The following PCM1 variants were observed in gnomAD, a reference collection of about 807,000 sequenced individuals.
The protein encoded by PCM1 is pericentriolar material 1 protein.
In PCM1, 157 loss-of-function variants were observed where a neutral mutation model predicts 241.9. That is an observed-to-expected ratio of 0.65 (90% CI 0.57 to 0.74). The LOEUF is 0.74. PCM1 is among the 30% of genes least tolerant of loss of function. PCM1 has a pLI of 0.00. For missense variants in PCM1, 3,478 were observed against 2,360.1 expected (o/e 1.47, Z -9.81); for synonymous variants, 1,085 against 784.9 (o/e 1.38, Z -6.39).
chr8:17,982,114 C>G (rs991115724), intron 24 of PCM1, among the ~76,000 whole-genome samples: 1 of 152,174 alleles, frequency 6.6e-6, no homozygotes, highest in Admixed American at 6.5e-5. Context: ...ATGAATTTCT[C>G]AAGCTTACAT....
At position 18,011,793 on chromosome 8, in the gene PCM1, C is replaced by G. The variant is rs373118637; in HGVS notation, c.5477C>G (p.Thr1826Ser). 1.2e-6 allele frequency: 2 copies of G among 1,613,332 alleles called. No individual in the cohort carries two copies. Among genetic ancestry groups the G allele is most frequent in the East Asian group, 2.2e-5 (1 of 44,854 alleles). Residue 1826 changes from threonine to serine, a missense_variant, in exon 34 of 39, where the codon ACT becomes AGT. Coordinates refer to ENST00000325083, the MANE Select transcript of PCM1 (RefSeq NM_006197.4). ...VDVQTSLQAN[T>S]EATEENEHDE... ...GTCCAGACTTCCCTCCAGGCTAACA[C>G]TGAAGCTACTGAAGAAAATGAACAT...
chr8:17,959,575 C>CTCTAGAACAATTGGTTT (rs61078034), intron 13 of PCM1, among the ~76,000 whole-genome samples: 1 of 151,628 alleles, frequency 6.6e-6, no homozygotes, highest in Non-Finnish European at 1.5e-5. Flanking sequence ...CTTAATTGGT[C>CTCTAGAACAATTGGTTT]TCTAGAGAGC....
At chr8:17,959,132 A>G (rs73571741) in intron 13 of PCM1, among the ~76,000 whole-genome samples, 2,044 of 152,236 alleles carry the variant, frequency 0.013, 49 homozygotes, top group African/African-American at 0.047. Flanking sequence ...AAAAAAATAC[A>G]TGACGTTTTG....
Position 17,960,364 on chromosome 8 carries a change from C to G in PCM1, c.2242C>G (p.Gln748Glu), listed in dbSNP as rs752496254. ...KLQQQQRELKQLQEERKKLID... is the reference protein window; with the variant it reads ...KLQQQQRELKELQEERKKLID... ...ACAGCAGCAACAGAGAGAGCTAAAA[C>G]AATTGCAGGAAGAAAGAAAGAAACT... is the stretch of plus-strand genomic sequence containing the variant. Residue 748 changes from glutamine to glutamate, a missense_variant, in exon 15 of 39, where the codon CAA becomes GAA. Gln to Glu is a conservative substitution (Grantham distance 29, BLOSUM62 2). Transcript: ENST00000325083. The G allele has an allele frequency of 1.2e-6, 2 of 1,606,870 alleles. No individual in the cohort carries two copies. The highest frequency in any genetic ancestry group is 4.5e-5 in the East Asian group (2 of 44,748).
At chr8:17,967,304 T>A in intron 21 of PCM1, 134 bp downstream of exon 21, 8 of 605,462 alleles carry the variant, frequency 1.3e-5, no homozygotes, top group Non-Finnish European at 1.9e-5. Context: ...AGTTACAAAC[T>A]CTTTTTTTTT....
intron 6 of PCM1, among the ~76,000 whole-genome samples, chr8:17,945,599 C>T (rs1306676096): frequency 6.6e-6 from 1 of 152,146 alleles, no homozygotes; most frequent in South Asian, 2.1e-4. Context: ...ATTTCCAAGT[C>T]ACAGTGTAAA....
In PCM1 at chr8:17,967,305, CTTTT is replaced by C. The variant is rs71304948; in HGVS notation, c.3412+146_3412+149del. The C allele has an allele frequency of 1.6e-3, 811 of 515,444 alleles. 4 individuals carry two copies. The highest frequency in any genetic ancestry group is 0.014 in the African/African-American group (693 of 48,114). 31.9% of individuals were successfully genotyped at this position (515,444 alleles called of 1,614,324 possible). Reference sequence around the variant, plus strand: ...ATGTTTGCAAAGAAAGTTACAAACTCTTTTTTTTTTTTTTCTTTTTGAGGCGGAG... The same window carrying C: ...ATGTTTGCAAAGAAAGTTACAAACTCTTTTTTTTTTCTTTTTGAGGCGGAG... On this transcript the variant is annotated intron_variant, in intron 21 of 38. Coordinates refer to ENST00000325083, the MANE Select transcript of PCM1 (RefSeq NM_006197.4).
rs561391161 is a variant in PCM1 at position 18,028,454 on chromosome 8, A to G, written c.*792A>G. 159 of 194,100 alleles carry G rather than the reference A, an allele frequency of 8.2e-4. 1 individual carries two copies. The highest frequency in any genetic ancestry group is 3.4e-3 in the African/African-American group (148 of 43,248). The allele number at this position is 194,100 out of a possible 1,614,324, so 12.0% of individuals were successfully genotyped here. On this transcript the variant is annotated 3_prime_UTR_variant, in exon 39 of 39. Transcript: ENST00000325083. ...TAACATTGTGGTTAATTTTAAATGA[A>G]AAACTTAACTTTTTCAAGTGGGGAT...
chr8:17,966,216 C>G lies in PCM1; in HGVS notation c.3073C>G (p.Gln1025Glu). 1 of 1,612,112 alleles carries G rather than the reference C, an allele frequency of 6.2e-7. No individual in the cohort carries two copies. Among genetic ancestry groups the G allele is most frequent in the Non-Finnish European group, 8.5e-7 (1 of 1,178,442 alleles). The part of the protein sequence containing the change: ...SICQTLMQDQ[Q>E]TLSCLLQTLL... ...TTGTCAGACTTTGATGCAAGACCAG[C>G]AGGTAAAATTTGCTATGAAAGTATA... The change falls in exon 19 of 39, where the codon CAG becomes GAG. Residue 1025 changes from glutamine to glutamate, a missense_variant and splice_region_variant. Coordinates refer to ENST00000325083, the MANE Select transcript of PCM1 (RefSeq NM_006197.4).
chr8:18,023,466 T>C (rs893430027), intron 36 of PCM1, among the ~76,000 whole-genome samples: 4 of 152,226 alleles, frequency 2.6e-5, no homozygotes, highest in African/African-American at 7.2e-5. Flanking sequence ...TTCGATACTC[T>C]TCAAGCAATA....
rs58967642 is a variant in PCM1, at chr8:18,025,133, C to CTTTT, written c.5842-212_5842-209dup. ...CAGCATGTATGAACTGCCCCCCTGC[C>CTTTT]TTTTTTTTTTTTTTTTTTTGTGACA... On this transcript the variant is annotated intron_variant, in intron 36 of 38. Coordinates refer to ENST00000325083, the MANE Select transcript of PCM1 (RefSeq NM_006197.4). 79 of 157,356 alleles carry CTTTT rather than the reference C, an allele frequency of 5.0e-4. 3 individuals are homozygous for CTTTT. The highest frequency in any genetic ancestry group is 1.4e-3 in the African/African-American group (45 of 31,276). The allele number at this position is 157,356 out of a possible 1,614,324, so 9.7% of individuals were successfully genotyped here.
intron 24 of PCM1, among the ~76,000 whole-genome samples, chr8:17,984,544 C>G (rs368864826): frequency 6.6e-6 from 1 of 151,714 alleles, no homozygotes; most frequent in African/African-American, 2.4e-5. Context: ...TTATTTCATG[C>G]TTGTGGAAAT....
chr8:17,982,785 T>G (rs2081334266), intron 24 of PCM1: 1 of 152,318 alleles, frequency 6.6e-6, no homozygotes, highest in African/African-American at 2.4e-5. Flanking sequence ...TGAGCCACCA[T>G]GCCCAGCCCT....
At chr8:17,968,846 A>T (rs1054137573) in intron 21 of PCM1, among the ~76,000 whole-genome samples, 31 of 151,040 alleles carry the variant, frequency 2.1e-4, no homozygotes, top group African/African-American at 6.3e-4. Context: ...GAGACTTTTT[A>T]GTTCTTGGGT....
At chr8:17,949,690 T>G (rs948904484) in intron 7 of PCM1, among the ~76,000 whole-genome samples, 2 of 151,996 alleles carry the variant, frequency 1.3e-5, no homozygotes, top group Non-Finnish European at 2.9e-5. Context: ...AGAGATGGGG[T>G]CTCACTGTGG....
chr8:17,974,525 T>G (rs1374792531), intron 23 of PCM1, among the ~76,000 whole-genome samples: 2 of 152,204 alleles, frequency 1.3e-5, no homozygotes, highest in African/African-American at 4.8e-5. Context: ...AGAGTCTGCC[T>G]TCCTAACAGA....
At chr8:17,942,339 C>T (rs540449843) in intron 6 of PCM1, among the ~76,000 whole-genome samples, 32 of 152,070 alleles carry the variant, frequency 2.1e-4, no homozygotes, top group African/African-American at 7.2e-4. Flanking sequence ...CGGTGGCGCA[C>T]GCCTGTAATC....
In PCM1 at chr8:17,930,649, C is replaced by T. The variant is rs1273724556; in HGVS notation, c.-22-4940C>T. Among the ~76,000 whole-genome samples the T allele has an allele frequency of 5.9e-5, 9 of 151,616 alleles. 1 individual carries two copies. Among genetic ancestry groups the T allele is most frequent in the Non-Finnish European group, 1.0e-4 (7 of 67,898 alleles). On this transcript the variant is annotated intron_variant, in intron 2 of 38. Coordinates refer to ENST00000325083, the MANE Select transcript of PCM1 (RefSeq NM_006197.4). ...ATCCCAGCACTTTGGGAGGCCGAGG[C>T]GGGCGGATCACGAGGTCAGGAGATG...
At chr8:17,965,792 G>C (rs2074649834) in intron 18 of PCM1, among the ~76,000 whole-genome samples, 1 of 152,156 alleles carries the variant, frequency 6.6e-6, no homozygotes, top group East Asian at 1.9e-4. Context: ...AAACATACAT[G>C]AAAAAGACTG....
Sources: gnomAD v4.1 joint callset for allele counts (sites outside exome capture counted in the v4.1 genomes callset) on GRCh38, gnomAD v4.1.1 for gene constraint, MANE v1.5 for transcripts, NCBI Gene and HGNC (gene_info 2026-07-23, HGNC 2026-07-21) for gene names.